BICD2: variants seen among roughly 807,000 people sequenced by gnomAD.
BICD2 encodes the protein protein bicaudal D homolog 2.
A neutral mutation model predicts 72.9 loss-of-function variants in BICD2; 25 were observed. The observed-to-expected ratio is 0.34, with a 90% CI of 0.25 to 0.48. BICD2 has a LOEUF of 0.48. Among genes scored for constraint, BICD2 ranks in the 20% least tolerant of loss-of-function variants. The pLI is 0.99. For missense variants in BICD2, 894 were observed against 1,175.2 expected, an observed-to-expected ratio of 0.76 and a Z score of 3.50; for synonymous variants, 501 against 516.1, an observed-to-expected ratio of 0.97 and a Z score of 0.40.
chr9:92,753,290 G>C (rs1267151102), intron 1 of BICD2, among the ~76,000 whole-genome samples: 2 of 152,102 alleles, frequency 1.3e-5, no homozygotes, highest in Non-Finnish European at 2.9e-5. Context: ...GACAATACTT[G>C]GGACAGAAAA....
At chr9:92,740,116 C>T (rs1042922806) in intron 1 of BICD2, among the ~76,000 whole-genome samples, 14 of 152,114 alleles carry the variant, frequency 9.2e-5, no homozygotes, top group African/African-American at 2.7e-4. Flanking sequence ...GTGTCAACCA[C>T]GCAGAGAGAG....
At chr9:92,743,125 C>T (rs969624560) in intron 1 of BICD2, among the ~76,000 whole-genome samples, 1 of 152,200 alleles carries the variant, frequency 6.6e-6, no homozygotes, top group Non-Finnish European at 1.5e-5. Context: ...TTTCCCACTC[C>T]TCTCCAGGAC....
chr9:92,743,973 G>A (rs948967548), intron 1 of BICD2, among the ~76,000 whole-genome samples: 20 of 152,182 alleles, frequency 1.3e-4, no homozygotes, highest in Admixed American at 3.3e-4. Flanking sequence ...ACATAAATCA[G>A]TAACACATCA....
intron 6 of BICD2, among the ~76,000 whole-genome samples, chr9:92,716,346 GT>G: frequency 6.6e-6 from 1 of 152,318 alleles, no homozygotes; most frequent in Middle Eastern, 3.4e-3. Flanking sequence ...ATTTTAAAAG[GT>G]AGGGTTTACA....
chr9:92,742,708 C>A (rs142365633), intron 1 of BICD2, among the ~76,000 whole-genome samples: 15 of 152,154 alleles, frequency 9.9e-5, no homozygotes, highest in East Asian at 1.9e-4. Context: ...ATCACCCCCC[C>A]CAAAGAAACT....
intron 6 of BICD2, among the ~76,000 whole-genome samples, chr9:92,716,191 T>G (rs1273583666): frequency 6.6e-6 from 1 of 152,108 alleles, no homozygotes; most frequent in Non-Finnish European, 1.5e-5. Flanking sequence ...CACCCTACTC[T>G]GCCTGTCCCC....
At chr9:92,751,452 A>T in intron 1 of BICD2, among the ~76,000 whole-genome samples, 1 of 152,132 alleles carries the variant, frequency 6.6e-6, no homozygotes, top group Non-Finnish European at 1.5e-5. Context: ...CCCTAACTTA[A>T]GTAACTTTGG....
At chr9:92,750,804 T>G (rs1037740633) in intron 1 of BICD2, among the ~76,000 whole-genome samples, 10 of 152,250 alleles carry the variant, frequency 6.6e-5, no homozygotes, top group African/African-American at 2.4e-4. Context: ...CAAGGGATCC[T>G]GGGCTGGAAT....
At chr9:92,730,691 C>T (rs75065948) in intron 1 of BICD2, among the ~76,000 whole-genome samples, 3,139 of 152,180 alleles carry the variant, frequency 0.021, 122 homozygotes, top group African/African-American at 0.071. Context: ...TTGCGGGGGA[C>T]ACCCCTAAAC....
At position 92,715,126 on chromosome 9, in the gene BICD2, A is replaced by G; in HGVS notation, c.*28T>C. 1 of 1,542,430 alleles carries G rather than the reference A, an allele frequency of 6.5e-7. No homozygotes were observed. The highest frequency in any genetic ancestry group is 1.9e-5 in the Admixed American group (1 of 52,938). ...GGTTAGTTGAGGTGAAGCAGATGTT[A>G]GCTGCAGCGTGCGGCGCCCCACAGC... On this transcript the variant is annotated 3_prime_UTR_variant, in exon 7 of 7. Coordinates refer to ENST00000356884, the MANE Select transcript of BICD2 (RefSeq NM_001003800.2).
chr9:92,727,610 G>A (rs573858021), intron 2 of BICD2, among the ~76,000 whole-genome samples: 4 of 152,346 alleles, frequency 2.6e-5, no homozygotes, highest in African/African-American at 9.6e-5. Flanking sequence ...CAGCTCACGT[G>A]CCAACTTCCA....
rs144442734 is a variant in BICD2 at position 92,719,244 on chromosome 9, G to A, written c.1401C>T (p.His467=). Residue 467 remains histidine (H), a synonymous_variant, in exon 5 of 7, where the codon CAC becomes CAT. Coordinates refer to ENST00000356884, the MANE Select transcript of BICD2 (RefSeq NM_001003800.2). ...RSTHEAREAQ[H]AEEKGRYEAE... ...CCTCATAGCGGCCCTTCTCCTCGGC[G>A]TGCTGGGCCTCACGAGCCTCGTGCG... 117 of 1,612,726 alleles carry A rather than the reference G, an allele frequency of 7.3e-5. No individual in the cohort carries two copies. The East Asian group carries it at 1.8e-3, about 25-fold the overall frequency.
intron 4 of BICD2, 91 bp from the exon 5 acceptor site, chr9:92,719,673 C>A: frequency 7.3e-7 from 1 of 1,361,462 alleles, no homozygotes; most frequent in Non-Finnish European, 9.8e-7. Context: ...GACATCCCAC[C>A]CCATGTCAGG....
intron 1 of BICD2, among the ~76,000 whole-genome samples, chr9:92,731,874 T>A (rs1853686258): frequency 6.6e-6 from 1 of 152,214 alleles, no homozygotes; most frequent in Non-Finnish European, 1.5e-5. Flanking sequence ...AGAGCCCTCC[T>A]GATGCACAGG....
At position 92,720,022 on chromosome 9, in the gene BICD2, G is replaced by A. The variant is rs1287000944; in HGVS notation, c.1062+278C>T. On this transcript the variant is annotated intron_variant, in intron 4 of 6. Coordinates refer to ENST00000356884, the MANE Select transcript of BICD2 (RefSeq NM_001003800.2). This position sits in a 1 kb window ranked among gnomAD's most constrained non-coding sequence, Gnocchi z 5.4. Reference sequence around the variant, plus strand: ...GGTGGGCCCCTGACACCTGGCCTGCGTGCAGGGATCACATGTGGGCCAGTG... The same window carrying A: ...GGTGGGCCCCTGACACCTGGCCTGCATGCAGGGATCACATGTGGGCCAGTG... Among the ~76,000 whole-genome samples the A allele has an allele frequency of 3.3e-5, 5 of 152,212 alleles. No homozygotes were observed. The highest frequency in any genetic ancestry group is 5.9e-5 in the Non-Finnish European group (4 of 68,032).
At chr9:92,757,483 T>G (rs1252914463) in intron 1 of BICD2, among the ~76,000 whole-genome samples, 2 of 151,848 alleles carry the variant, frequency 1.3e-5, no homozygotes, top group Non-Finnish European at 2.9e-5. Context: ...GAATTTTTGT[T>G]AGTTTCTTAG....
intron 1 of BICD2, among the ~76,000 whole-genome samples, chr9:92,736,275 G>C (rs141795410): frequency 7.4e-4 from 113 of 152,340 alleles, no homozygotes; most frequent in Middle Eastern, 6.8e-3. Context: ...GTGATCTCCG[G>C]TTGTCCTCAC....
chr9:92,750,143 C>T (rs1854117767), intron 1 of BICD2, among the ~76,000 whole-genome samples: 1 of 152,236 alleles, frequency 6.6e-6, no homozygotes, highest in Non-Finnish European at 1.5e-5. Flanking sequence ...GAGTTCTTCC[C>T]ACCACAGGAT....
intron 1 of BICD2, among the ~76,000 whole-genome samples, chr9:92,755,017 A>G (rs7850871): frequency 0.23 from 34,358 of 152,214 alleles, 4,960 homozygotes; most frequent in East Asian, 0.72. Flanking sequence ...GAACAGAGCC[A>G]TATTTCTCTT....
Sources: allele counts gnomAD v4.1 joint callset (sites outside exome capture counted in the v4.1 genomes callset), GRCh38; gene constraint gnomAD v4.1.1; non-coding constraint Gnocchi (gnomAD v3.1); transcripts MANE v1.5; gene names NCBI Gene and HGNC (gene_info 2026-07-23, HGNC 2026-07-21).